Variants in TRPM3 observed in about 807,000 individuals in gnomAD.
TRPM3 encodes the protein transient receptor potential cation channel subfamily M member 3, also known as long transient receptor potential channel 3.
Under a neutral mutation model 181.2 loss-of-function variants are expected in TRPM3, and 77 were observed. The ratio of observed to expected loss-of-function variants is 0.42; its 90% CI spans 0.35 to 0.51. The LOEUF (loss-of-function observed/expected upper bound fraction) is 0.51. TRPM3 is among the 20% of genes least tolerant of loss of function. The probability of loss-of-function intolerance (pLI) is 0.01; values close to 1 mark genes in which losing one functional copy is unlikely to be tolerated. For synonymous variants in TRPM3, 745 were observed against 796.4 expected (o/e 0.94, Z 1.09); for missense variants, 1,759 against 2,196.7 (o/e 0.80, Z 3.98).
chr9:70,865,560 T>C (rs941855610), intron 1 of TRPM3: 1 of 152,106 alleles, frequency 6.6e-6, no homozygotes, highest in Non-Finnish European at 1.5e-5. Context: ...TCAATGGTGT[T>C]AACTGTTATA....
At chr9:71,163,330 ATAGGTAGGTAGG>A (rs58180875) in intron 1 of TRPM3, among the ~76,000 whole-genome samples, 60,948 of 151,476 alleles carry the variant, frequency 0.4, 12,559 homozygotes, top group East Asian at 0.51. Context: ...GAAACAAGAT[ATAGGTAGGTAGG>A]TAGGTAGGTA....
chr9:70,779,755 G>A (rs561563151), intron 7 of TRPM3, among the ~76,000 whole-genome samples: 27 of 152,226 alleles, frequency 1.8e-4, no homozygotes, highest in African/African-American at 6.5e-4. Flanking sequence ...AGTCATTCAT[G>A]ATTTAGAAAT....
intron 1 of TRPM3, among the ~76,000 whole-genome samples, chr9:71,349,553 A>G (rs997401960): frequency 2.0e-5 from 3 of 152,208 alleles, no homozygotes; most frequent in African/African-American, 7.2e-5. Flanking sequence ...AAACCCCAAG[A>G]TATTTTATAA....
intron 1 of TRPM3, among the ~76,000 whole-genome samples, chr9:71,074,844 G>T (rs1350300564): frequency 6.6e-6 from 1 of 151,976 alleles, no homozygotes; most frequent in African/African-American, 2.4e-5. Context: ...ACTCTTCCTG[G>T]GAAAGGCTAA....
intron 8 of TRPM3, among the ~76,000 whole-genome samples, chr9:70,751,206 C>A (rs2076080900): frequency 6.6e-6 from 1 of 151,432 alleles, no homozygotes; most frequent in African/African-American, 2.4e-5. Flanking sequence ...TGCAGAAAAG[C>A]TGAAAATAAA....
chr9:71,281,166 G>A (rs961046645), intron 1 of TRPM3, among the ~76,000 whole-genome samples: 21 of 152,216 alleles, frequency 1.4e-4, no homozygotes, highest in Admixed American at 9.2e-4. Flanking sequence ...GCAAAGTCGG[G>A]AGGTGTGTCA....
At chr9:71,198,766 T>C (rs2078571322) in intron 1 of TRPM3, among the ~76,000 whole-genome samples, 1 of 150,516 alleles carries the variant, frequency 6.6e-6, no homozygotes, top group East Asian at 2.0e-4. Context: ...CTTAAGGAGA[T>C]TTTGGGCTGA....
At chr9:71,438,125 C>A (rs968290443) in intron 1 of TRPM3, among the ~76,000 whole-genome samples, 2 of 151,962 alleles carry the variant, frequency 1.3e-5, no homozygotes, top group Admixed American at 6.5e-5. Flanking sequence ...ATGTATTCAG[C>A]AAAATACAGA....
chr9:71,026,328 AG>A (rs1209011183), intron 1 of TRPM3, among the ~76,000 whole-genome samples: 2 of 152,140 alleles, frequency 1.3e-5, no homozygotes, highest in Non-Finnish European at 2.9e-5. Flanking sequence ...ACCTGCATGC[AG>A]TGCAGCCACC....
intron 7 of TRPM3, among the ~76,000 whole-genome samples, chr9:70,783,685 T>C (rs2082972094): frequency 6.6e-6 from 1 of 152,172 alleles, no homozygotes; most frequent in Admixed American, 6.5e-5. Flanking sequence ...TGCTGGTGTT[T>C]GGAGGCCAAG....
rs188427103 is a variant in TRPM3, at chr9:70,949,763, C to T, written c.178-85252G>A. On this transcript the variant is annotated intron_variant, in intron 1 of 25. Coordinates refer to ENST00000677713, the MANE Select transcript of TRPM3 (RefSeq NM_001366145.2). ...AATGAAGAATTTTAAGAAAAAATAA[C>T]GGGATGAGCATCAGATACACATTTA... Among the ~76,000 whole-genome samples, 27 of 152,100 alleles carry T rather than the reference C, an allele frequency of 1.8e-4. 1 individual carries two copies. Among genetic ancestry groups the T allele is most frequent in the East Asian group, 9.7e-4 (5 of 5,172 alleles).
At chr9:70,793,725 C>A in intron 6 of TRPM3, 1 of 452,380 alleles carries the variant, frequency 2.2e-6, no homozygotes, top group Admixed American at 2.4e-5. Flanking sequence ...AAGACAGTCC[C>A]TCACTTAGAA....
chr9:70,854,458 T>C (rs778163100), intron 3 of TRPM3, among the ~76,000 whole-genome samples: 8 of 152,160 alleles, frequency 5.3e-5, no homozygotes, highest in Admixed American at 2.0e-4. Flanking sequence ...TAAATGCAAA[T>C]TGAATGAAGG....
chr9:71,322,355 C>A (rs1048912751), intron 1 of TRPM3, among the ~76,000 whole-genome samples: 1 of 152,048 alleles, frequency 6.6e-6, no homozygotes, highest in Non-Finnish European at 1.5e-5. Flanking sequence ...GACGATGATA[C>A]CATAAAATAT....
At chr9:70,763,375 G>C (rs1383216165) in intron 7 of TRPM3, among the ~76,000 whole-genome samples, 1 of 152,034 alleles carries the variant, frequency 6.6e-6, no homozygotes, top group Admixed American at 6.6e-5. Flanking sequence ...GTTGGGCATG[G>C]TGGTGCATGC....
intron 1 of TRPM3, among the ~76,000 whole-genome samples, chr9:71,092,482 T>C (rs1183873452): frequency 6.6e-6 from 1 of 152,198 alleles, no homozygotes. Context: ...GATTTTTTTT[T>C]AGCTTTTCTT....
At chr9:71,260,603 G>T (rs369779111) in intron 1 of TRPM3, among the ~76,000 whole-genome samples, 6 of 152,126 alleles carry the variant, frequency 3.9e-5, no homozygotes, top group African/African-American at 1.4e-4. Flanking sequence ...CACATCCCTT[G>T]TAAGTTGTAT....
chr9:71,000,562 C>G (rs998737492), intron 1 of TRPM3, among the ~76,000 whole-genome samples: 3 of 152,144 alleles, frequency 2.0e-5, no homozygotes, highest in Non-Finnish European at 2.9e-5. Flanking sequence ...ATTTATTTGA[C>G]TTTTCTCTGG....
At chr9:70,685,939 AAATTGT>A (rs1293176756) in intron 8 of TRPM3, among the ~76,000 whole-genome samples, 2 of 151,610 alleles carry the variant, frequency 1.3e-5, no homozygotes, top group Non-Finnish European at 2.9e-5. Flanking sequence ...CTTTTACTAA[AAATTGT>A]GTTTTTAATA....
Sources: allele counts gnomAD v4.1 joint callset (sites outside exome capture counted in the v4.1 genomes callset), GRCh38; gene constraint gnomAD v4.1.1; transcripts MANE v1.5; gene names NCBI Gene and HGNC (gene_info 2026-07-23, HGNC 2026-07-21).